Variants in GAB2 observed in about 807,000 individuals in gnomAD.
The protein encoded by GAB2 is GRB2 associated binding protein 2, also known as GRB2-associated-binding protein 2.
In GAB2, 26 loss-of-function variants were observed where a neutral mutation model predicts 65.5. That is an observed-to-expected ratio of 0.40 (90% CI 0.29 to 0.55). GAB2 has a LOEUF of 0.55. Among genes scored for constraint, GAB2 ranks in the 20% least tolerant of loss-of-function variants. GAB2 has a pLI of 0.53. For synonymous variants in GAB2, 321 were observed against 329.6 expected, an observed-to-expected ratio of 0.97 and a Z score of 0.28; for missense variants, 884 against 875.8, an observed-to-expected ratio of 1.01 and a Z score of -0.12.
Position 78,280,673 on chromosome 11 carries a change from C to T in GAB2, c.304G>A (p.Glu102Lys). The T allele has an allele frequency of 6.2e-7, 1 of 1,614,166 alleles. No individual in the cohort carries two copies. Among genetic ancestry groups the T allele is most frequent in the Non-Finnish European group, 8.5e-7 (1 of 1,179,990 alleles). Residue 102 changes from glutamate to lysine, a missense_variant, in exon 2 of 10, where the codon GAA becomes AAA. By Grantham distance (56) the Glu-to-Lys change is moderately conservative (BLOSUM62 1). Coordinates refer to ENST00000361507, the MANE Select transcript of GAB2 (RefSeq NM_080491.3). The part of the protein sequence containing the change: ...ERTFYLVAET[E>K]EDMNKWVQSI... The stretch of plus-strand genomic sequence containing the variant: ...TGGACCCACTTATTCATGTCCTCTT[C>T]TGTCTCAGCCACCAGGTAAAAGGTG...
chr11:78,379,325 A>C (rs1021763092), intron 1 of GAB2, among the ~76,000 whole-genome samples: 2 of 152,244 alleles, frequency 1.3e-5, no homozygotes, highest in African/African-American at 4.8e-5. Flanking sequence ...AAAGATCTCA[A>C]GGCACTTTCC....
intron 3 of GAB2, among the ~76,000 whole-genome samples, chr11:78,244,026 A>C (rs1865219819): frequency 6.6e-6 from 1 of 152,172 alleles, no homozygotes; most frequent in African/African-American, 2.4e-5. Flanking sequence ...GTCTCCCATC[A>C]AAAGCAAAAA....
intron 1 of GAB2, among the ~76,000 whole-genome samples, chr11:78,334,359 T>C (rs1855964195): frequency 6.6e-6 from 1 of 152,222 alleles, no homozygotes; most frequent in Admixed American, 6.5e-5. Flanking sequence ...TTCTTTCTAT[T>C]TTACTTTTGG....
At chr11:78,397,837 T>A (rs1856920748) in intron 1 of GAB2, among the ~76,000 whole-genome samples, 1 of 152,122 alleles carries the variant, frequency 6.6e-6, no homozygotes, top group Admixed American at 6.5e-5. Flanking sequence ...AATGACAGTA[T>A]CTTCAAGTGG....
At chr11:78,310,783 G>T (rs1051071896) in intron 1 of GAB2, among the ~76,000 whole-genome samples, 26 of 152,276 alleles carry the variant, frequency 1.7e-4, no homozygotes, top group African/African-American at 6.0e-4. Flanking sequence ...AGCTTCAGGT[G>T]TGGGAAAGAG....
chr11:78,266,214 C>CAAAAAA (rs11445907), intron 2 of GAB2, among the ~76,000 whole-genome samples: 2,006 of 64,924 alleles, frequency 0.031, 327 homozygotes, highest in Middle Eastern at 0.054. Context: ...GACTCCATCT[C>CAAAAAA]AAAAAAAAAA....
At chr11:78,400,565 T>A (rs1468594960) in intron 1 of GAB2, among the ~76,000 whole-genome samples, 1 of 152,160 alleles carries the variant, frequency 6.6e-6, no homozygotes, top group Admixed American at 6.5e-5. Flanking sequence ...AGTTACTATA[T>A]CTCATTGTCC....
chr11:78,300,592 CG>C (rs1866975413), intron 1 of GAB2, among the ~76,000 whole-genome samples: 1 of 149,794 alleles, frequency 6.7e-6, no homozygotes, highest in African/African-American at 2.5e-5. Flanking sequence ...CTATCAACAA[CG>C]TATGAGAATT....
At chr11:78,291,645 C>A (rs1866685754) in intron 1 of GAB2, among the ~76,000 whole-genome samples, 1 of 131,570 alleles carries the variant, frequency 7.6e-6, no homozygotes, top group Non-Finnish European at 1.6e-5. Flanking sequence ...AAACATGGCT[C>A]ACTGTAGCCC....
intron 1 of GAB2, among the ~76,000 whole-genome samples, chr11:78,394,737 C>A (rs1287086649): frequency 6.6e-6 from 1 of 152,168 alleles, no homozygotes; most frequent in Non-Finnish European, 1.5e-5. Context: ...TGGTCTTAAG[C>A]CCTCTTGCCA....
In GAB2 at chr11:78,336,326, CAAAAAAAAAAAAAA is replaced by C. The variant is rs71046966; in HGVS notation, c.76-55439_76-55426del. The stretch of plus-strand genomic sequence containing the variant: ...CGGGCGACAGAGCGAGACTGTCTCT[CAAAAAAAAAAAAAA>C]AAAAAAAAAAAAAAAAAAAAAACAC... On this transcript the variant is annotated intron_variant, in intron 1 of 9. Transcript: ENST00000361507. Among the ~76,000 whole-genome samples the C allele has an allele frequency of 1.2e-3, 23 of 19,252 alleles. No individual in the cohort carries two copies. In the Middle Eastern group the frequency reaches 0.2, roughly 167 times the overall value. 12.6% of individuals were successfully genotyped at this position (19,252 alleles called of 152,430 possible).
chr11:78,324,213 T>A (rs977548854), intron 1 of GAB2, among the ~76,000 whole-genome samples: 6 of 152,128 alleles, frequency 3.9e-5, no homozygotes, highest in African/African-American at 1.2e-4. Context: ...TACAAGTATA[T>A]CATATTCTGG....
intron 1 of GAB2, among the ~76,000 whole-genome samples, chr11:78,291,035 A>C (rs907490916): frequency 2.6e-5 from 4 of 152,150 alleles, no homozygotes; most frequent in Admixed American, 6.5e-5. Context: ...TTCATAAGCA[A>C]ACAGGCATGG....
chr11:78,280,076 A>G (rs1866290185), intron 2 of GAB2, among the ~76,000 whole-genome samples: 1 of 152,240 alleles, frequency 6.6e-6, no homozygotes, highest in Non-Finnish European at 1.5e-5. Flanking sequence ...ACCCAAACAT[A>G]AATCACTGTT....
intron 2 of GAB2, among the ~76,000 whole-genome samples, chr11:78,259,426 G>T (rs1180760537): frequency 6.6e-6 from 1 of 152,144 alleles, no homozygotes; most frequent in African/African-American, 2.4e-5. Flanking sequence ...AGGAGTGTGT[G>T]GTCCCTGTAG....
intron 3 of GAB2, among the ~76,000 whole-genome samples, chr11:78,237,469 T>A (rs2244508): frequency 0.22 from 32,727 of 152,110 alleles, 3,873 homozygotes; most frequent in East Asian, 0.4. Flanking sequence ...TCTATGTAAA[T>A]TTATGGAAAA....
At chr11:78,355,080 C>G (rs757597925) in intron 1 of GAB2, among the ~76,000 whole-genome samples, 1 of 152,212 alleles carries the variant, frequency 6.6e-6, no homozygotes, top group Non-Finnish European at 1.5e-5. Flanking sequence ...AGACGTGGAG[C>G]TTACTTAAAG....
rs557483037 is a variant in GAB2 at position 78,281,537 on chromosome 11, T to C, written c.76-636A>G. On this transcript the variant is annotated intron_variant, in intron 1 of 9. Coordinates refer to ENST00000361507, the MANE Select transcript of GAB2 (RefSeq NM_080491.3). ...CTGGGATTACAGGCATGAGCCACCA[T>C]GCCCAGACGACCTTAAAGCTTTTAA... 3.6e-4 allele frequency among the ~76,000 whole-genome samples: 55 copies of C among 152,302 alleles called. No homozygotes were observed. The South Asian group carries it at 9.3e-3, about 26-fold the overall frequency.
chr11:78,269,019 A>C (rs544408381), intron 2 of GAB2, among the ~76,000 whole-genome samples: 1 of 150,340 alleles, frequency 6.7e-6, no homozygotes, highest in Non-Finnish European at 1.5e-5. Context: ...GGGTTATTTA[A>C]AATAACCTTT....
Sources: gnomAD v4.1 joint callset for allele counts (sites outside exome capture counted in the v4.1 genomes callset) on GRCh38, gnomAD v4.1.1 for gene constraint, MANE v1.5 for transcripts, NCBI Gene and HGNC (gene_info 2026-07-23, HGNC 2026-07-21) for gene names.